The following ARHGEF6 variants were observed in gnomAD, a reference collection of about 807,000 sequenced individuals.
ARHGEF6 encodes Rac/Cdc42 guanine nucleotide exchange factor 6, also known as rho guanine nucleotide exchange factor 6.
A neutral mutation model predicts 70.3 loss-of-function variants in ARHGEF6; 9 were observed. The ratio of observed to expected loss-of-function variants is 0.13; its 90% CI spans 0.08 to 0.22. ARHGEF6 has a LOEUF of 0.22. Ranked by LOEUF, ARHGEF6 falls within the 10% of genes least tolerant of loss-of-function variation. The pLI is 1.00. For missense variants in ARHGEF6, 470 were observed against 563.0 expected (o/e 0.83, Z 1.67); for synonymous variants, 201 against 207.8 (o/e 0.97, Z 0.28).
At chrX:136,727,006 C>A (rs2076859470) in intron 6 of ARHGEF6, among the ~76,000 whole-genome samples, 1 of 112,529 alleles carries the variant, frequency 8.9e-6, no homozygotes, top group African/African-American at 3.2e-5. Context: ...TACAGACAGG[C>A]ACATTCTTGC....
chrX:136,729,664 T>C (rs1172773003), intron 6 of ARHGEF6, among the ~76,000 whole-genome samples: 1 of 107,082 alleles, frequency 9.3e-6, no homozygotes, highest in African/African-American at 3.4e-5. Context: ...ACCCTGCCTC[T>C]ACTAAAAATA....
chrX:136,718,830 C>T (rs1441856361), intron 6 of ARHGEF6, among the ~76,000 whole-genome samples: 3 of 109,594 alleles, frequency 2.7e-5, no homozygotes, highest in Non-Finnish European at 5.7e-5. Flanking sequence ...GAAACATTTT[C>T]TTTGGCTGAG....
intron 13 of ARHGEF6, 95 bp from the exon 14 acceptor site, chrX:136,682,063 A>G (rs1246510919): frequency 7.6e-6 from 5 of 659,743 alleles, no homozygotes; most frequent in Non-Finnish European, 1.2e-5. Flanking sequence ...AGGCAAAACT[A>G]TGGCTAGACG....
At chrX:136,757,597 C>A (rs1392148098) in intron 2 of ARHGEF6, among the ~76,000 whole-genome samples, 1 of 110,929 alleles carries the variant, frequency 9.0e-6, no homozygotes, top group East Asian at 2.8e-4. Flanking sequence ...TCCTTCAGGG[C>A]CCAATCCAAA....
chrX:136,732,659 A>G (rs1207192570), intron 5 of ARHGEF6, among the ~76,000 whole-genome samples: 1 of 112,391 alleles, frequency 8.9e-6, no homozygotes, highest in Non-Finnish European at 1.9e-5. Context: ...ATGACCTAAT[A>G]AATACTTTAT....
intron 2 of ARHGEF6, among the ~76,000 whole-genome samples, chrX:136,770,731 C>A (rs2077357635): frequency 8.9e-6 from 1 of 112,904 alleles, no homozygotes; most frequent in Non-Finnish European, 1.9e-5. Flanking sequence ...CACCGTGGCT[C>A]ACACCTGTAA....
chrX:136,768,084 C>A (rs2077335715), intron 2 of ARHGEF6, among the ~76,000 whole-genome samples: 2 of 110,995 alleles, frequency 1.8e-5, no homozygotes, highest in Admixed American at 9.5e-5. Context: ...AACTCAGAAC[C>A]CCCAAACTCT....
At chrX:136,683,389 G>A (rs1015020862) in intron 12 of ARHGEF6, among the ~76,000 whole-genome samples, 9 of 110,120 alleles carry the variant, frequency 8.2e-5, no homozygotes, top group Non-Finnish European at 1.7e-4. Flanking sequence ...ACGGAGTTTC[G>A]CTCTTTTTGC....
intron 9 of ARHGEF6, 118 bp downstream of exon 9, chrX:136,706,790 A>G (rs2076631264): frequency 1.0e-6 from 1 of 955,472 alleles, no homozygotes; most frequent in South Asian, 2.0e-5. Flanking sequence ...CAATGAATCA[A>G]TTCCTGGCAT....
intron 9 of ARHGEF6, among the ~76,000 whole-genome samples, chrX:136,699,543 T>C (rs1337651091): frequency 9.0e-6 from 1 of 111,712 alleles, no homozygotes; most frequent in East Asian, 2.8e-4. Context: ...CAATGACTTT[T>C]GTTAGATTTA....
chrX:136,746,559 TAGAC>T (rs2077097180), intron 3 of ARHGEF6, among the ~76,000 whole-genome samples: 1 of 111,758 alleles, frequency 8.9e-6, no homozygotes, highest in Non-Finnish European at 1.9e-5. Context: ...TCTCCTTAAA[TAGAC>T]AGTAATTTTC....
chrX:136,680,991 T>C, intron 14 of ARHGEF6, 115 bp from the exon 15 acceptor site: 1 of 835,603 alleles, frequency 1.2e-6, no homozygotes, highest in Admixed American at 2.2e-5. Context: ...TTTCAGGGGT[T>C]TTCATACCTA....
At position 136,675,053 on chromosome X, in the gene ARHGEF6, G is replaced by A. The variant is rs376908686; in HGVS notation, c.1989C>T (p.Ile663=). 12 of 1,209,795 alleles carry A rather than the reference G, an allele frequency of 9.9e-6. No individual in the cohort carries two copies. Among genetic ancestry groups the A allele is most frequent in the African/African-American group, 3.5e-5 (2 of 57,174 alleles). Residue 663 remains isoleucine (I), a synonymous_variant, in exon 19 of 22, where the codon ATC becomes ATT. Coordinates refer to ENST00000250617, the MANE Select transcript of ARHGEF6 (RefSeq NM_004840.3). ...LEEDAQILKV[I]EAYCTSANFQ... ...AATTTGCGCTGGTGCAGTAGGCTTCGATCACTTTAAGGATTTGAGCATCCT... is the reference window on the plus strand; with the variant it reads ...AATTTGCGCTGGTGCAGTAGGCTTCAATCACTTTAAGGATTTGAGCATCCT...
At chrX:136,686,594 G>GTA (rs770923374) in intron 11 of ARHGEF6, among the ~76,000 whole-genome samples, 3,254 of 56,931 alleles carry the variant, frequency 0.057, 99 homozygotes, top group South Asian at 0.11. Context: ...GTATGTGTGT[G>GTA]TATATATATA....
chrX:136,732,057 C>T (rs1342278087), intron 6 of ARHGEF6, 45 bp downstream of exon 6: 23 of 1,036,999 alleles, frequency 2.2e-5, no homozygotes, highest in Admixed American at 4.6e-5. Flanking sequence ...TGAAAAAGTT[C>T]CATATAGAGT....
intron 6 of ARHGEF6, among the ~76,000 whole-genome samples, chrX:136,718,722 A>G (rs1235499119): frequency 1.8e-5 from 2 of 111,439 alleles, no homozygotes; most frequent in East Asian, 5.5e-4. Flanking sequence ...AACATATTTG[A>G]CAATGGCATT....
chrX:136,689,478 C>T (rs1469636964), intron 10 of ARHGEF6, among the ~76,000 whole-genome samples: 1 of 112,028 alleles, frequency 8.9e-6, no homozygotes, highest in Non-Finnish European at 1.9e-5. Flanking sequence ...TTGTGATAAG[C>T]AAGGAGGGGC....
chrX:136,729,812 AGAGT>A (rs2076917005), intron 6 of ARHGEF6, among the ~76,000 whole-genome samples: 1 of 109,635 alleles, frequency 9.1e-6, no homozygotes, highest in Non-Finnish European at 1.9e-5. Context: ...CCAGGGCGAC[AGAGT>A]GAGACTCCAT....
chrX:136,733,140 AC>A (rs2076953061), intron 5 of ARHGEF6, among the ~76,000 whole-genome samples: 1 of 110,223 alleles, frequency 9.1e-6, no homozygotes, highest in Non-Finnish European at 1.9e-5. Flanking sequence ...TAAAAAAAAA[AC>A]AATAAAAATA....
Sources: allele counts gnomAD v4.1 joint callset (sites outside exome capture counted in the v4.1 genomes callset), GRCh38; gene constraint gnomAD v4.1.1; transcripts MANE v1.5; gene names NCBI Gene and HGNC (gene_info 2026-07-23, HGNC 2026-07-21).